The following CPHXL variants were observed in gnomAD, a reference collection of about 807,000 sequenced individuals.
The protein encoded by CPHXL is cytoplasmic polyadenylated homeobox like.
intron 1 of CPHXL, among the ~76,000 whole-genome samples, chr16:75,720,876 G>A (rs893499066): frequency 6.6e-6 from 1 of 152,190 alleles, no homozygotes; most frequent in Non-Finnish European, 1.5e-5. Context: ...ACCCACAAAG[G>A]GAAGCCTATC....
intron 2 of CPHXL, among the ~76,000 whole-genome samples, chr16:75,717,482 T>C (rs1456768784): frequency 6.6e-6 from 1 of 152,218 alleles, no homozygotes; most frequent in African/African-American, 2.4e-5. Context: ...CATTCTCTCA[T>C]ATGCTTTAAA....
intron 1 of CPHXL, among the ~76,000 whole-genome samples, chr16:75,724,878 A>T (rs539447239): frequency 6.6e-6 from 1 of 152,338 alleles, no homozygotes; most frequent in Non-Finnish European, 1.5e-5. Context: ...ACCAAGCCAA[A>T]TGTCCAACAA....
intron 1 of CPHXL, among the ~76,000 whole-genome samples, chr16:75,720,193 T>C (rs148028446): frequency 0.024 from 3,697 of 152,160 alleles, 144 homozygotes; most frequent in African/African-American, 0.081. Context: ...AAAATCAGAG[T>C]GCCTCTCCTC....
At chr16:75,719,125 G>C (rs1038205535) in intron 1 of CPHXL, among the ~76,000 whole-genome samples, 1 of 151,902 alleles carries the variant, frequency 6.6e-6, no homozygotes, top group Non-Finnish European at 1.5e-5. Flanking sequence ...TATTTCTTTT[G>C]AGCCAAGATG....
intron 1 of CPHXL, 82 bp from the exon 2 acceptor site, chr16:75,718,540 G>A (rs982783034): frequency 7.6e-6 from 3 of 396,794 alleles, no homozygotes; most frequent in Admixed American, 4.4e-5. Context: ...AACAGTGTTA[G>A]CACCATAGAT....
intron 1 of CPHXL, among the ~76,000 whole-genome samples, chr16:75,721,608 C>A (rs1470467851): frequency 2.0e-5 from 3 of 152,080 alleles, no homozygotes; most frequent in African/African-American, 7.2e-5. Flanking sequence ...TAAAGCAAGT[C>A]CTTAGAGACC....
chr16:75,722,055 A>G (rs1040376413), intron 1 of CPHXL, among the ~76,000 whole-genome samples: 12 of 152,222 alleles, frequency 7.9e-5, no homozygotes, highest in African/African-American at 2.4e-4. Flanking sequence ...TTTGAAACCA[A>G]TGAGAACAAA....
chr16:75,718,283 A>G lies in CPHXL; in HGVS notation c.201T>C (p.Cys67=), dbSNP rs1331201513. ...AACTTACATCTATCACATTTACCGGACAATCAAATTTGATGGCCAGTGTTT... is the reference window on the plus strand; with the variant it reads ...AACTTACATCTATCACATTTACCGGGCAATCAAATTTGATGGCCAGTGTTT... ...TRKTLAIKFD[C]PVNVIDNWFQ... The change falls in exon 2 of 3, where the codon TGT becomes TGC. Residue 67 remains cysteine (C), a synonymous_variant. Transcript: ENST00000640559. The G allele has an allele frequency of 7.5e-6, 3 of 398,702 alleles. No individual in the cohort carries two copies. Among genetic ancestry groups the G allele is most frequent in the African/African-American group, 6.2e-5 (3 of 48,654 alleles). 24.7% of individuals were successfully genotyped at this position (398,702 alleles called of 1,614,324 possible).
chr16:75,726,124 C>T (rs143314789), intron 1 of CPHXL, among the ~76,000 whole-genome samples: 1 of 152,038 alleles, frequency 6.6e-6, no homozygotes, highest in African/African-American at 2.4e-5. Flanking sequence ...GAAAGTAATA[C>T]ATCTTAATAA....
chr16:75,723,936 A>G (rs184124163), intron 1 of CPHXL, among the ~76,000 whole-genome samples: 58 of 152,350 alleles, frequency 3.8e-4, no homozygotes, highest in African/African-American at 1.3e-3. Context: ...GTATAGACCA[A>G]TGCAACAAAA....
chr16:75,719,943 A>G (rs1959451324), intron 1 of CPHXL, among the ~76,000 whole-genome samples: 1 of 152,108 alleles, frequency 6.6e-6, no homozygotes, highest in African/African-American at 2.4e-5. Flanking sequence ...TTTGCTGCTC[A>G]CCAATATCTG....
Position 75,718,281 on chromosome 16 carries a change from G to A in CPHXL, c.203C>T (p.Pro68Leu), listed in dbSNP as rs184909551. The change falls in exon 2 of 3, where the codon CCG becomes CTG. Residue 68 changes from proline to leucine, a missense_variant. Transcript: ENST00000640559. ...TGAACTTACATCTATCACATTTACCGGACAATCAAATTTGATGGCCAGTGT... is the reference window on the plus strand; with the variant it reads ...TGAACTTACATCTATCACATTTACCAGACAATCAAATTTGATGGCCAGTGT... ...RKTLAIKFDC[P>L]VNVIDNWFQN... 3.5e-5 allele frequency: 14 copies of A among 398,476 alleles called. No individual in the cohort carries two copies. The highest frequency in any genetic ancestry group is 1.4e-4 in the African/African-American group (7 of 48,664). 24.7% of individuals were successfully genotyped at this position (398,476 alleles called of 1,614,324 possible).
intron 2 of CPHXL, among the ~76,000 whole-genome samples, chr16:75,717,188 C>T (rs1959404605): frequency 6.6e-6 from 1 of 152,242 alleles, no homozygotes; most frequent in African/African-American, 2.4e-5. Flanking sequence ...GCCCAAACCA[C>T]CGTCACCACC....
intron 1 of CPHXL, among the ~76,000 whole-genome samples, chr16:75,725,439 C>T (rs1959541915): frequency 6.6e-6 from 1 of 151,722 alleles, no homozygotes. Flanking sequence ...CACATAGGCA[C>T]CACTGTGGCT....
At chr16:75,716,814 C>A (rs1488726802) in intron 2 of CPHXL, among the ~76,000 whole-genome samples, 2 of 152,324 alleles carry the variant, frequency 1.3e-5, no homozygotes, top group African/African-American at 4.8e-5. Context: ...GGGCTACCCA[C>A]CCAACAGTCA....
Position 75,715,162 on chromosome 16 carries a change from G to T in CPHXL, c.280C>A (p.Leu94Ile). ...ACTGGAAAATCATGCTTTTTCTGAA[G>T]AACAAATATTCTGCGTCTTTCTGCA... ...PPAERRRIFV[L>I]QKKHDFPVQA... Residue 94 changes from leucine to isoleucine, a missense_variant, in exon 3 of 3, where the codon CTT becomes ATT. Coordinates refer to ENST00000640559, the MANE Select transcript of CPHXL (RefSeq NM_001355613.1). 2.5e-6 allele frequency: 1 copy of T among 398,948 alleles called. No homozygotes were observed. Among genetic ancestry groups the T allele is most frequent in the Non-Finnish European group, 4.4e-6 (1 of 226,190 alleles). 24.7% of individuals were successfully genotyped at this position (398,948 alleles called of 1,614,324 possible).
intron 2 of CPHXL, among the ~76,000 whole-genome samples, chr16:75,716,110 C>G (rs964929780): frequency 1.4e-5 from 2 of 146,214 alleles, no homozygotes; most frequent in Non-Finnish European, 3.0e-5. Flanking sequence ...TTGTATGACT[C>G]TCTGAGGGAA....
intron 1 of CPHXL, among the ~76,000 whole-genome samples, chr16:75,723,251 G>A (rs947579751): frequency 2.0e-5 from 3 of 152,138 alleles, no homozygotes; most frequent in Non-Finnish European, 4.4e-5. Flanking sequence ...TTCTGGCCAG[G>A]GCAATCAGGC....
At chr16:75,717,102 A>T (rs1382202829) in intron 2 of CPHXL, among the ~76,000 whole-genome samples, 4 of 152,180 alleles carry the variant, frequency 2.6e-5, no homozygotes, top group African/African-American at 9.7e-5. Context: ...TAACCCACAC[A>T]TAGTAAACTT....
Sources: allele counts gnomAD v4.1 joint callset (sites outside exome capture counted in the v4.1 genomes callset), GRCh38; gene constraint gnomAD v4.1.1; transcripts MANE v1.5; gene names NCBI Gene and HGNC (gene_info 2026-07-23, HGNC 2026-07-21).